The following BMPR2 variants were observed in gnomAD, a reference collection of about 807,000 sequenced individuals.
BMPR2 encodes the protein bone morphogenetic protein receptor type-2.
A neutral mutation model predicts 100.8 loss-of-function variants in BMPR2; 29 were observed. The observed-to-expected ratio is 0.29, with a 90% CI of 0.21 to 0.39. The LOEUF (loss-of-function observed/expected upper bound fraction) is 0.39, where lower values mean the gene tolerates loss of function less well. Ranked by LOEUF, BMPR2 falls within the 10% of genes least tolerant of loss-of-function variation. The probability of loss-of-function intolerance (pLI) is 1.00; values close to 1 mark genes in which losing one functional copy is unlikely to be tolerated. For synonymous variants in BMPR2, 382 were observed against 442.3 expected (o/e 0.86, Z 1.71); for missense variants, 1,011 against 1,274.5 (o/e 0.79, Z 3.15).
At chr2:202,537,331 A>G (rs1472378005) in intron 9 of BMPR2, among the ~76,000 whole-genome samples, 1 of 152,236 alleles carries the variant, frequency 6.6e-6, no homozygotes. Flanking sequence ...TGCTACAAAC[A>G]ATATATTTTG....
At chr2:202,493,466 G>A (rs887809482) in intron 3 of BMPR2, among the ~76,000 whole-genome samples, 1 of 151,834 alleles carries the variant, frequency 6.6e-6, no homozygotes, top group Admixed American at 6.6e-5. Flanking sequence ...GATGTACAAT[G>A]GTCTGCAAAT....
chr2:202,412,053 G>A (rs1311066243), intron 1 of BMPR2, among the ~76,000 whole-genome samples: 2 of 152,124 alleles, frequency 1.3e-5, no homozygotes, highest in Non-Finnish European at 2.9e-5. Context: ...ATTATGTAAG[G>A]TTTGTTAATA....
chr2:202,468,054 A>T (rs1692362232), intron 3 of BMPR2, among the ~76,000 whole-genome samples: 2 of 152,118 alleles, frequency 1.3e-5, no homozygotes, highest in South Asian at 4.1e-4. Context: ...AGAAAAAAAA[A>T]ATTCAAAGTT....
Position 202,555,528 on chromosome 2 carries a change from G to T in BMPR2, c.1863G>T (p.Thr621=), listed in dbSNP as rs753528525. Residue 621 remains threonine, a synonymous_variant, in exon 12 of 13, where the codon ACG becomes ACT. Transcript: ENST00000374580. ...NTTTTNTTGL[T]PSTGMTTISE... ...CAACCACAAACACCACAGGACTCAC[G>T]CCAAGTACTGGCATGACTACTATAT... is the stretch of plus-strand genomic sequence containing the variant. 6.2e-7 allele frequency: 1 copy of T among 1,614,064 alleles called. No individual in the cohort carries two copies. The highest frequency in any genetic ancestry group is 8.5e-7 in the Non-Finnish European group (1 of 1,180,008).
chr2:202,423,097 C>T (rs1691302761), intron 1 of BMPR2, among the ~76,000 whole-genome samples: 1 of 152,144 alleles, frequency 6.6e-6, no homozygotes, highest in South Asian at 2.1e-4. Flanking sequence ...CCATGTTGGC[C>T]AGGCTGGTCT....
At chr2:202,411,005 AG>A (rs1691003450) in intron 1 of BMPR2, among the ~76,000 whole-genome samples, 1 of 152,154 alleles carries the variant, frequency 6.6e-6, no homozygotes, top group Non-Finnish European at 1.5e-5. Flanking sequence ...AATAAATAGA[AG>A]GAGTGATGGA....
chr2:202,460,712 A>G (rs972958315), intron 1 of BMPR2, among the ~76,000 whole-genome samples: 1 of 152,008 alleles, frequency 6.6e-6, no homozygotes, highest in Non-Finnish European at 1.5e-5. Flanking sequence ...ATAATATAAT[A>G]TGGATCCATG....
intron 1 of BMPR2, among the ~76,000 whole-genome samples, chr2:202,378,381 A>G (rs769012666): frequency 3.9e-5 from 6 of 152,166 alleles, no homozygotes; most frequent in Non-Finnish European, 7.3e-5. Flanking sequence ...AGAAATTTTC[A>G]GGAGTGAATT....
At chr2:202,387,320 A>AT (rs1690449200) in intron 1 of BMPR2, among the ~76,000 whole-genome samples, 1 of 152,244 alleles carries the variant, frequency 6.6e-6, no homozygotes, top group Non-Finnish European at 1.5e-5. Context: ...TACTAATACT[A>AT]AGGGCCTTAC....
Position 202,565,828 on chromosome 2 carries a change from A to C in BMPR2, c.*5882A>C, listed in dbSNP as rs1688750677. On this transcript the variant is annotated 3_prime_UTR_variant, in exon 13 of 13. Transcript: ENST00000374580. Reference sequence around the variant, plus strand: ...CATTTAACTTTTAGGTGACTGATTTAAGTTGAGTGTGCATATAGAGAAAAA... The same window carrying C: ...CATTTAACTTTTAGGTGACTGATTTCAGTTGAGTGTGCATATAGAGAAAAA... 6.6e-6 allele frequency: 1 copy of C among 152,206 alleles called. No individual in the cohort carries two copies. The highest frequency in any genetic ancestry group is 1.5e-5 in the Non-Finnish European group (1 of 68,010). The allele number at this position is 152,206 out of a possible 1,614,324, so 9.4% of individuals were successfully genotyped here. A position where few individuals can be genotyped will look rare whatever the true frequency, so the allele number is the denominator to read the frequency against.
At chr2:202,456,254 C>CT (rs1275140603) in intron 1 of BMPR2, among the ~76,000 whole-genome samples, 1 of 151,428 alleles carries the variant, frequency 6.6e-6, no homozygotes, top group East Asian at 2.0e-4. Context: ...TCACTGCAAC[C>CT]TCCGCCTCCC....
At chr2:202,462,269 G>A (rs543362786) in intron 1 of BMPR2, among the ~76,000 whole-genome samples, 21 of 144,204 alleles carry the variant, frequency 1.5e-4, no homozygotes, top group African/African-American at 4.6e-4. Context: ...TTGCTCTGTC[G>A]CCCAGGCTGG....
intron 3 of BMPR2, chr2:202,475,277 A>C (rs1288353276): frequency 6.6e-6 from 1 of 151,490 alleles, no homozygotes; most frequent in Admixed American, 6.6e-5. Flanking sequence ...CAGGTGATCC[A>C]CCTGCCTCGG....
chr2:202,478,503 G>T (rs544401293), intron 3 of BMPR2, among the ~76,000 whole-genome samples: 12 of 152,342 alleles, frequency 7.9e-5, no homozygotes, highest in African/African-American at 2.6e-4. Context: ...TTCCAAAGTA[G>T]TCCCAACTGT....
At position 202,376,769 on chromosome 2, in the gene BMPR2, C is replaced by T. The variant is rs1245057859; in HGVS notation, c.-706C>T. Among the ~76,000 whole-genome samples, 1 of 151,092 alleles carries T rather than the reference C, an allele frequency of 6.6e-6. No individual in the cohort carries two copies. The highest frequency in any genetic ancestry group is 2.4e-5 in the African/African-American group (1 of 41,146). On this transcript the variant is annotated 5_prime_UTR_variant, in exon 1 of 13. Coordinates refer to ENST00000374580, the MANE Select transcript of BMPR2 (RefSeq NM_001204.7). ...CCCGGACCGGGGCCGCGACCGCGAC[C>T]CCTCCCCTCCCCCGCTCCTACCTCT... is the stretch of plus-strand genomic sequence containing the variant.
intron 3 of BMPR2, among the ~76,000 whole-genome samples, chr2:202,474,030 A>C (rs1377263834): frequency 6.6e-6 from 1 of 151,486 alleles, no homozygotes; most frequent in Non-Finnish European, 1.5e-5. Context: ...CCTTGAACCC[A>C]GGAGGCAGAG....
intron 1 of BMPR2, among the ~76,000 whole-genome samples, chr2:202,456,520 T>TC (rs1380109422): frequency 6.7e-6 from 1 of 150,052 alleles, no homozygotes; most frequent in African/African-American, 2.4e-5. Flanking sequence ...TTTCTTTCTT[T>TC]TTTTTTTTTT....
At chr2:202,524,255 G>T (rs543736011) in intron 7 of BMPR2, among the ~76,000 whole-genome samples, 92 of 151,930 alleles carry the variant, frequency 6.1e-4, no homozygotes, top group Non-Finnish European at 1.0e-3. Flanking sequence ...CCAGCTACTC[G>T]CGAGGCTGAG....
At chr2:202,469,743 A>G (rs866166935) in intron 3 of BMPR2, among the ~76,000 whole-genome samples, 6 of 152,002 alleles carry the variant, frequency 3.9e-5, no homozygotes, top group Non-Finnish European at 8.8e-5. Context: ...TCGGCCTCCC[A>G]AAGTGCTGAG....
Sources: gnomAD v4.1 joint callset for allele counts (sites outside exome capture counted in the v4.1 genomes callset) on GRCh38, gnomAD v4.1.1 for gene constraint, MANE v1.5 for transcripts, NCBI Gene and HGNC (gene_info 2026-07-23, HGNC 2026-07-21) for gene names.